The following NTRK2 variants were observed in gnomAD, a reference collection of about 807,000 sequenced individuals.
NTRK2 encodes the protein BDNF/NT-3 growth factors receptor.
In NTRK2, 13 loss-of-function variants were observed where a neutral mutation model predicts 94.5. That is an observed-to-expected ratio of 0.14 (90% confidence interval 0.09 to 0.22). NTRK2 has a LOEUF of 0.22. Ranked by LOEUF, NTRK2 falls within the 10% of genes least tolerant of loss-of-function variation. The pLI, the probability that NTRK2 is intolerant of heterozygous loss-of-function variation, is 1.00. For missense variants in NTRK2, 639 were observed against 1,071.2 expected (o/e 0.60, Z 5.63); for synonymous variants, 372 against 407.4 (o/e 0.91, Z 1.05).
At chr9:84,892,017 T>A (rs11140799) in intron 14 of NTRK2, among the ~76,000 whole-genome samples, 2 of 152,020 alleles carry the variant, frequency 1.3e-5, no homozygotes, top group African/African-American at 2.4e-5. Flanking sequence ...TAACCCAGTC[T>A]GATTTATTTC....
At chr9:84,764,888 T>C (rs2065893879) in intron 12 of NTRK2, among the ~76,000 whole-genome samples, 1 of 152,156 alleles carries the variant, frequency 6.6e-6, no homozygotes, top group South Asian at 2.1e-4. Flanking sequence ...TAAAAAGGAA[T>C]GAGATTCAGT....
chr9:84,740,280 T>C (rs566263813), intron 9 of NTRK2, among the ~76,000 whole-genome samples: 1 of 152,318 alleles, frequency 6.6e-6, no homozygotes, highest in East Asian at 1.9e-4. Context: ...ATTCATTGAG[T>C]TAGCCCTCAA....
At chr9:84,842,710 C>T (rs983953479) in intron 12 of NTRK2, among the ~76,000 whole-genome samples, 1 of 152,188 alleles carries the variant, frequency 6.6e-6, no homozygotes, top group African/African-American at 2.4e-5. Context: ...CACAGTCTGG[C>T]ACCACTACTT....
chr9:84,897,882 G>A (rs765904654), intron 14 of NTRK2, among the ~76,000 whole-genome samples: 9 of 152,154 alleles, frequency 5.9e-5, no homozygotes, highest in Non-Finnish European at 8.8e-5. Flanking sequence ...GGGACCCAGG[G>A]CTCTATAAAA....
chr9:84,933,804 T>C (rs1301420581), intron 14 of NTRK2, among the ~76,000 whole-genome samples: 1 of 152,232 alleles, frequency 6.6e-6, no homozygotes, highest in African/African-American at 2.4e-5. Context: ...CTGGACACAC[T>C]GCTAACAAAT....
At chr9:84,878,589 A>G (rs1257896151) in intron 14 of NTRK2, among the ~76,000 whole-genome samples, 5 of 151,246 alleles carry the variant, frequency 3.3e-5, no homozygotes, top group African/African-American at 1.2e-4. Context: ...AGCCGAGATC[A>G]TGCCACTGCA....
At chr9:84,755,169 T>C (rs1254854545) in intron 12 of NTRK2, among the ~76,000 whole-genome samples, 1 of 152,188 alleles carries the variant, frequency 6.6e-6, no homozygotes, top group Non-Finnish European at 1.5e-5. Flanking sequence ...AATTGCAGTG[T>C]TGTCTTTGAA....
chr9:84,674,332 A>G (rs569913759), intron 2 of NTRK2, among the ~76,000 whole-genome samples: 4 of 152,182 alleles, frequency 2.6e-5, no homozygotes, highest in Admixed American at 6.5e-5. Context: ...CACAACCTAA[A>G]TAGAATTTGG....
chr9:84,749,079 T>C (rs1417804100), intron 11 of NTRK2, among the ~76,000 whole-genome samples: 1 of 152,094 alleles, frequency 6.6e-6, no homozygotes, highest in Non-Finnish European at 1.5e-5. Flanking sequence ...AAATACAAAA[T>C]TAGCCAGGTG....
At chr9:84,731,633 C>A (rs907233433) in intron 9 of NTRK2, among the ~76,000 whole-genome samples, 14 of 151,984 alleles carry the variant, frequency 9.2e-5, no homozygotes, top group South Asian at 6.2e-4. Context: ...GTCCTCATAA[C>A]CTTTACTTCC....
intron 12 of NTRK2, among the ~76,000 whole-genome samples, chr9:84,755,294 A>T (rs933309079): frequency 1.3e-5 from 2 of 152,178 alleles, no homozygotes; most frequent in African/African-American, 4.8e-5. Context: ...TTTGAGCTCC[A>T]TGGTAACAGC....
chr9:84,932,372 C>A (rs1436431264), intron 14 of NTRK2, among the ~76,000 whole-genome samples: 1 of 152,152 alleles, frequency 6.6e-6, no homozygotes, highest in African/African-American at 2.4e-5. Context: ...TGAAGCTGAA[C>A]AAGCTCTGGG....
chr9:84,998,005 T>A (rs549552663), intron 17 of NTRK2, among the ~76,000 whole-genome samples: 9 of 152,318 alleles, frequency 5.9e-5, no homozygotes, highest in Admixed American at 4.6e-4. Flanking sequence ...CTTGCCTGCC[T>A]TACATACCTC....
chr9:84,778,087 C>T (rs1032832129), intron 12 of NTRK2, among the ~76,000 whole-genome samples: 5 of 152,062 alleles, frequency 3.3e-5, no homozygotes, highest in South Asian at 2.1e-4. Context: ...AATGACAAAG[C>T]GCTGTCCCTA....
At chr9:84,960,906 A>G (rs1274782775) in intron 17 of NTRK2, among the ~76,000 whole-genome samples, 1 of 152,182 alleles carries the variant, frequency 6.6e-6, no homozygotes, top group Non-Finnish European at 1.5e-5. Context: ...ATTGTTGAAC[A>G]GGACTCCCAC....
At chr9:84,963,480 A>T (rs1004017623) in intron 17 of NTRK2, among the ~76,000 whole-genome samples, 1 of 152,224 alleles carries the variant, frequency 6.6e-6, no homozygotes, top group Non-Finnish European at 1.5e-5. Context: ...ATAATTGCTT[A>T]TTCTTCTGTG....
At chr9:84,813,176 T>C in intron 12 of NTRK2, 1 of 1,046,830 alleles carries the variant, frequency 9.6e-7, no homozygotes, top group Non-Finnish European at 1.2e-6. Flanking sequence ...GGCACTTCAA[T>C]GCCAGGCAGG....
chr9:84,810,845 T>C (rs2071701258), intron 12 of NTRK2: 1 of 1,312,492 alleles, frequency 7.6e-7, no homozygotes, highest in Non-Finnish European at 9.7e-7. Flanking sequence ...AATGCTTCTC[T>C]TCTTACAGTA....
At chr9:84,726,138 A>G (rs529237104) in intron 8 of NTRK2, among the ~76,000 whole-genome samples, 2 of 152,340 alleles carry the variant, frequency 1.3e-5, no homozygotes, top group East Asian at 1.9e-4. Flanking sequence ...GCTCTGAAAA[A>G]TTGACCTTAT....
Sources: gnomAD v4.1 joint callset for allele counts (sites outside exome capture counted in the v4.1 genomes callset) on GRCh38, gnomAD v4.1.1 for gene constraint, MANE v1.5 for transcripts, NCBI Gene and HGNC (gene_info 2026-07-23, HGNC 2026-07-21) for gene names.